Variants in KRABD3 observed in about 807,000 individuals in gnomAD.
KRABD3 encodes the protein KRAB domain containing 3.
At chr7:149,721,308 G>C in the KRABD3 span, 4 of 1,500,820 alleles carry the variant, frequency 2.7e-6, no homozygotes, top group Non-Finnish European at 3.6e-6. Flanking sequence ...GCAAGGAAAG[G>C]ACCCAGAATG....
the KRABD3 span, among the ~76,000 whole-genome samples, chr7:149,728,060 G>A: frequency 1.0e-4 from 16 of 152,392 alleles, no homozygotes; most frequent in African/African-American, 3.6e-4. Flanking sequence ...GAAATAGGAT[G>A]TTTGCAGTGT....
At chr7:149,714,983 A>C in the KRABD3 span, 1 of 1,189,212 alleles carries the variant, frequency 8.4e-7, no homozygotes. Flanking sequence ...GCCGCCGCCG[A>C]CGAGGGTCGC....
the KRABD3 span, chr7:149,719,405 A>G: frequency 1.2e-6 from 1 of 829,488 alleles, no homozygotes; most frequent in South Asian, 2.0e-5. The surrounding 1 kb of genome is among the most constrained non-coding windows in gnomAD (Gnocchi z 5.6). Flanking sequence ...CTGTCTCTTG[A>G]GGGGATTCCT....
At chr7:149,721,519 A>G in the KRABD3 span, 1 of 1,611,840 alleles carries the variant, frequency 6.2e-7, no homozygotes, top group Non-Finnish European at 8.5e-7. Flanking sequence ...GGGTCCAGGG[A>G]AGTCCTCTCC....
chr7:149,722,781 A>G, the KRABD3 span: 21 of 1,597,248 alleles, frequency 1.3e-5, no homozygotes, highest in East Asian at 1.1e-4. Flanking sequence ...CATGTGCCAC[A>G]GGAATTTCTC....
the KRABD3 span, chr7:149,719,911 ATG>A: frequency 1.4e-6 from 2 of 1,386,734 alleles, no homozygotes; most frequent in Non-Finnish European, 1.9e-6. This position sits in a 1 kb window ranked among gnomAD's most constrained non-coding sequence, Gnocchi z 5.6. Context: ...GGTCACATGA[ATG>A]TGCACAGACC....
chr7:149,730,677 A>T, the KRABD3 span: 1 of 1,346,252 alleles, frequency 7.4e-7, no homozygotes. Context: ...CTTGCCAGGG[A>T]GTCCTGCACA....
At chr7:149,728,677 T>C in the KRABD3 span, 2 of 1,612,868 alleles carry the variant, frequency 1.2e-6, no homozygotes, top group Non-Finnish European at 1.7e-6. Context: ...ACAAGGAAGG[T>C]AATAGTGGCT....
the KRABD3 span, chr7:149,725,634 C>A: frequency 1.1e-6 from 1 of 877,920 alleles, no homozygotes; most frequent in Non-Finnish European, 1.7e-6. Flanking sequence ...CACTCCCAAA[C>A]AGCCGCCCGC....
At chr7:149,729,753 C>T in the KRABD3 span, 10 of 985,306 alleles carry the variant, frequency 1.0e-5, no homozygotes, top group Non-Finnish European at 1.2e-5. Context: ...ACCCTCCCAT[C>T]AGACGAGGAT....
the KRABD3 span, chr7:149,720,068 T>C: frequency 1.9e-6 from 3 of 1,553,004 alleles, no homozygotes; most frequent in Non-Finnish European, 2.6e-6. Flanking sequence ...GGAAGAGCTG[T>C]TGGGGGAGGG....
the KRABD3 span, chr7:149,731,704 C>T: frequency 6.2e-7 from 1 of 1,612,000 alleles, no homozygotes; most frequent in Non-Finnish European, 8.5e-7. Context: ...GGTTTCTCAG[C>T]TGGAGAAAAG....
chr7:149,718,226 G>A, the KRABD3 span, among the ~76,000 whole-genome samples: 2 of 152,148 alleles, frequency 1.3e-5, no homozygotes, highest in Non-Finnish European at 2.9e-5. Context: ...GGGCAACATA[G>A]TAAGGTCCTG....
the KRABD3 span, chr7:149,721,855 G>T: frequency 1.9e-6 from 1 of 533,706 alleles, no homozygotes; most frequent in Non-Finnish European, 3.6e-6. Context: ...CTACCTGTGT[G>T]CACTGGTCTG....
At chr7:149,715,317 C>G in the KRABD3 span, 1 of 1,215,550 alleles carries the variant, frequency 8.2e-7, no homozygotes, top group Non-Finnish European at 1.0e-6. Flanking sequence ...TACAAGTTAT[C>G]CTGGTAGAGT....
chr7:149,715,954 G>A, the KRABD3 span, among the ~76,000 whole-genome samples: 1 of 152,234 alleles, frequency 6.6e-6, no homozygotes. Context: ...TCTGTAAAGT[G>A]AGGAGTTTGG....
At chr7:149,728,703 G>A in the KRABD3 span, 4 of 1,609,668 alleles carry the variant, frequency 2.5e-6, no homozygotes, top group Non-Finnish European at 3.4e-6. Context: ...GGCCCTGGGT[G>A]TAGACAGGGC....
the KRABD3 span, chr7:149,731,725 A>G: frequency 3.1e-6 from 5 of 1,612,554 alleles, no homozygotes; most frequent in South Asian, 5.5e-5. Context: ...GCCCAGGGTT[A>G]GTGAAGCATC....
chr7:149,720,746 C>A, the KRABD3 span: 1 of 1,285,656 alleles, frequency 7.8e-7, no homozygotes, highest in Non-Finnish European at 1.1e-6. Context: ...GGGAGGATTA[C>A]GTGAGATGCT....
Sources: allele counts gnomAD v4.1 joint callset (sites outside exome capture counted in the v4.1 genomes callset), GRCh38; gene constraint gnomAD v4.1.1; non-coding constraint Gnocchi (gnomAD v3.1); transcripts MANE v1.5; gene names NCBI Gene and HGNC (gene_info 2026-07-23, HGNC 2026-07-21).